OSGIN1: variants seen among roughly 807,000 people sequenced by gnomAD.
OSGIN1 encodes the protein oxidative stress induced growth inhibitor 1, also known as oxidative stress-induced growth inhibitor 1.
In OSGIN1, 19 loss-of-function variants were observed where a neutral mutation model predicts 20.1. The observed-to-expected ratio is 0.95, with a 90% CI of 0.66 to 1.39. The LOEUF (loss-of-function observed/expected upper bound fraction) is 1.39. Ranked by LOEUF, OSGIN1 falls within the 40% of genes most tolerant of loss-of-function variation. OSGIN1 has a pLI of 0.00. For synonymous variants in OSGIN1, 368 were observed against 297.8 expected (o/e 1.24, Z -2.43); for missense variants, 820 against 653.0 (o/e 1.26, Z -2.79).
intron 5 of OSGIN1, among the ~76,000 whole-genome samples, chr16:83,964,326 T>C (rs900206112): frequency 6.6e-6 from 1 of 151,450 alleles, no homozygotes; most frequent in Non-Finnish European, 1.5e-5. Context: ...TAAAATAAAA[T>C]AAAATAAAAT....
rs1416604942 is a variant in OSGIN1, at chr16:83,965,633, C to A, written c.1060C>A (p.Pro354Thr). The part of the protein sequence containing the change: ...MREQSILSPS[P>T]YEGYRSLPRH... ...GGAGCAGTCCATCCTGTCGCCCAGC[C>A]CCTATGAGGGTTACCGCAGCCTCCC... Residue 354 changes from proline (P) to threonine (T), a missense_variant, in exon 6 of 6, where the codon CCC (proline) becomes ACC (threonine). Transcript: ENST00000393306. 1 of 1,613,336 alleles carries A rather than the reference C, an allele frequency of 6.2e-7. No homozygotes were observed. The highest frequency in any genetic ancestry group is 8.5e-7 in the Non-Finnish European group (1 of 1,180,020).
At chr16:83,956,318 A>G (rs532746766) in intron 1 of OSGIN1, among the ~76,000 whole-genome samples, 2 of 152,358 alleles carry the variant, frequency 1.3e-5, no homozygotes, top group Non-Finnish European at 2.9e-5. Context: ...CCTTTTAAGC[A>G]TCTTCCAAAA....
Position 83,953,253 on chromosome 16 carries a change from T to C in OSGIN1, c.-150T>C. 1.6e-6 allele frequency: 2 copies of C among 1,285,468 alleles called. No individual in the cohort carries two copies. The highest frequency in any genetic ancestry group is 3.0e-5 in the African/African-American group (2 of 65,894). 79.6% of individuals were successfully genotyped at this position (1,285,468 alleles called of 1,614,324 possible). ...CTCTGGCCTCTCAGAGCCTCTTGGA[T>C]CCCCACAGGGTAATGGGTGTCCCGA... On this transcript the variant is annotated 5_prime_UTR_variant, in exon 1 of 6. Transcript: ENST00000393306.
chr16:83,960,678 C>A lies in OSGIN1; in HGVS notation c.314C>A (p.Ser105Ter), dbSNP rs747078689. 6.2e-7 allele frequency: 1 copy of A among 1,613,596 alleles called. No individual in the cohort carries two copies. The highest frequency in any genetic ancestry group is 8.5e-7 in the Non-Finnish European group (1 of 1,180,032). Residue 105 changes from serine (S) to a stop codon, truncating the protein, a stop_gained, in exon 4 of 6, where the codon TCG becomes TAG. Transcript: ENST00000393306. LOFTEE classifies it high-confidence loss of function. ...PDTDFGGNMK[S>*]VLTWKHRKEH... ...ACAGACTTTGGGGGAAACATGAAGT[C>A]GGTCCTCACCTGGAAGCACCGGAAG... is the stretch of plus-strand genomic sequence containing the variant.
chr16:83,962,537 G>A (rs1343679040), intron 5 of OSGIN1, among the ~76,000 whole-genome samples: 5 of 152,218 alleles, frequency 3.3e-5, no homozygotes, highest in African/African-American at 1.2e-4. Context: ...CACCACGCCA[G>A]GCTAATTTAG....
At chr16:83,964,999 T>TGCCCCC in intron 5 of OSGIN1, 63 bp from the exon 6 acceptor site, 2 of 645,912 alleles carry the variant, frequency 3.1e-6, no homozygotes, top group East Asian at 3.3e-5. Flanking sequence ...ACATCTCCCG[T>TGCCCCC]CCCACCCAGC....
At chr16:83,956,341 T>C (rs1434995081) in intron 1 of OSGIN1, among the ~76,000 whole-genome samples, 1 of 152,226 alleles carries the variant, frequency 6.6e-6, no homozygotes, top group Non-Finnish European at 1.5e-5. Flanking sequence ...CTGCGTTCAT[T>C]CATTGCCCAC....
intron 5 of OSGIN1, among the ~76,000 whole-genome samples, chr16:83,961,465 GA>G (rs1448439806): frequency 6.6e-6 from 1 of 152,182 alleles, no homozygotes; most frequent in Non-Finnish European, 1.5e-5. Context: ...TCAGGGAGCA[GA>G]GGGGTGACTT....
Position 83,965,490 on chromosome 16 carries a change from A to C in OSGIN1, c.917A>C (p.His306Pro). ...SAADAVLYAR[H>P]YNIPVIHAFR... Reference sequence around the variant, plus strand: ...GCCGACGCGGTCCTCTACGCCCGCCACTACAACATCCCGGTGATCCATGCC... The same window carrying C: ...GCCGACGCGGTCCTCTACGCCCGCCCCTACAACATCCCGGTGATCCATGCC... Residue 306 changes from histidine to proline, a missense_variant, in exon 6 of 6, where the codon CAC (histidine) becomes CCC (proline). Transcript: ENST00000393306. 6.2e-7 allele frequency: 1 copy of C among 1,611,012 alleles called. No individual in the cohort carries two copies. Among genetic ancestry groups the C allele is most frequent in the East Asian group, 2.2e-5 (1 of 44,872 alleles).
At chr16:83,962,277 C>T (rs538477945) in intron 5 of OSGIN1, among the ~76,000 whole-genome samples, 4 of 152,232 alleles carry the variant, frequency 2.6e-5, no homozygotes, top group East Asian at 3.9e-4. Context: ...CTCCCTCTGT[C>T]GCCCAGGCTG....
chr16:83,963,509 C>T (rs1342932479), intron 5 of OSGIN1, among the ~76,000 whole-genome samples: 1 of 152,182 alleles, frequency 6.6e-6, no homozygotes, highest in Non-Finnish European at 1.5e-5. Context: ...CCTGCCAGCC[C>T]TGGAGCATTC....
rs1453457042 is a variant in OSGIN1, at chr16:83,960,624, T to A, written c.260T>A (p.Leu87Gln). The change falls in exon 4 of 6, where the codon CTG becomes CAG. Residue 87 changes from leucine (L) to glutamine (Q), a missense_variant. Coordinates refer to ENST00000393306, the MANE Select transcript of OSGIN1 (RefSeq NM_182981.3). ...LEGRSQSPVA[L>Q]LFDALLRPDT... ...GGCCGATCCCAAAGCCCCGTGGCCC[T>A]GCTCTTTGATGCCCTTCTACGCCCA... is the stretch of plus-strand genomic sequence containing the variant. 6.2e-7 allele frequency: 1 copy of A among 1,613,414 alleles called. No individual in the cohort carries two copies. Among genetic ancestry groups the A allele is most frequent in the Admixed American group, 1.7e-5 (1 of 60,008 alleles).
chr16:83,960,358 C>T (rs976183618), intron 3 of OSGIN1, among the ~76,000 whole-genome samples: 5 of 152,208 alleles, frequency 3.3e-5, no homozygotes, highest in Non-Finnish European at 5.9e-5. Context: ...CCCAAGCTTG[C>T]GCATTTGGTC....
At chr16:83,953,514 G>A (rs568393630) in intron 1 of OSGIN1, 144 bp downstream of exon 1, 1 of 568,928 alleles carries the variant, frequency 1.8e-6, no homozygotes, top group Admixed American at 3.4e-5. Flanking sequence ...CCTCGCCTGG[G>A]TTCTCTGGAG....
In OSGIN1 at chr16:83,953,364, C is replaced by T. The variant is rs764075912; in HGVS notation, c.-39C>T. On this transcript the variant is annotated 5_prime_UTR_variant, in exon 1 of 6. Coordinates refer to ENST00000393306, the MANE Select transcript of OSGIN1 (RefSeq NM_182981.3). ...GCTCACTGGGCTCCTGCACCACTGCCTGTCAGGTGAGTGTCCGGGGCCAGG... is the reference window on the plus strand; with the variant it reads ...GCTCACTGGGCTCCTGCACCACTGCTTGTCAGGTGAGTGTCCGGGGCCAGG... The T allele has an allele frequency of 7.8e-7, 1 of 1,288,880 alleles. No homozygotes were observed. Among genetic ancestry groups the T allele is most frequent in the South Asian group, 1.2e-5 (1 of 80,978 alleles). The allele number at this position is 1,288,880 out of a possible 1,614,324, so 79.8% of individuals were successfully genotyped here. A position where few individuals can be genotyped will look rare whatever the true frequency, so the allele number is the denominator to read the frequency against.
In OSGIN1 at chr16:83,961,565, C is replaced by T. The variant is rs573095034; in HGVS notation, c.488+493C>T. 8.5e-5 allele frequency among the ~76,000 whole-genome samples: 13 copies of T among 152,282 alleles called. No individual in the cohort carries two copies. In the East Asian group the frequency reaches 9.7e-4, roughly 11 times the overall value. On this transcript the variant is annotated intron_variant, in intron 5 of 5. Transcript: ENST00000393306. ...GTGATTTGGGGGATTTCACAGGCCC[C>T]CCACAGTGAGCCCGTGAGCCAGAGG... is the stretch of plus-strand genomic sequence containing the variant.
intron 5 of OSGIN1, chr16:83,961,301 C>A: frequency 1.9e-6 from 1 of 515,014 alleles, no homozygotes; most frequent in Non-Finnish European, 3.5e-6. Flanking sequence ...GTAAGAAGTA[C>A]ATTGGTTCGG....
At chr16:83,957,837 T>A (rs1909013649) in intron 2 of OSGIN1, 99 bp downstream of exon 2, 2 of 443,216 alleles carry the variant, frequency 4.5e-6, no homozygotes, top group Non-Finnish European at 8.1e-6. Flanking sequence ...CCTGGTGTCT[T>A]TTTTCGTTTT....
chr16:83,957,859 T>TTTTGTTTA (rs1555544028), intron 2 of OSGIN1, 121 bp downstream of exon 2: 1 of 366,580 alleles, frequency 2.7e-6, no homozygotes, highest in African/African-American at 2.2e-5. Flanking sequence ...GGGGTTTATT[T>TTTTGTTTA]TTTATTTATT....
Sources: gnomAD v4.1 joint callset for allele counts (sites outside exome capture counted in the v4.1 genomes callset) on GRCh38, gnomAD v4.1.1 for gene constraint, MANE v1.5 for transcripts, NCBI Gene and HGNC (gene_info 2026-07-23, HGNC 2026-07-21) for gene names.